PALS1: variants seen among roughly 807,000 people sequenced by gnomAD.
PALS1 encodes protein PALS1.
Under a neutral mutation model 78.9 loss-of-function variants are expected in PALS1, and 31 were observed. The observed-to-expected ratio is 0.39, with a 90% CI of 0.30 to 0.53. The LOEUF (loss-of-function observed/expected upper bound fraction) is 0.53. Ranked by LOEUF, PALS1 falls within the 20% of genes least tolerant of loss-of-function variation. The pLI, the probability that PALS1 is intolerant of heterozygous loss-of-function variation, is 0.67. For synonymous variants in PALS1, 276 were observed against 270.9 expected (o/e 1.02, Z -0.18); for missense variants, 704 against 826.5 (o/e 0.85, Z 1.82).
At chr14:67,267,176 T>G (rs1441862402) in intron 1 of PALS1, among the ~76,000 whole-genome samples, 1 of 152,212 alleles carries the variant, frequency 6.6e-6, no homozygotes, top group Non-Finnish European at 1.5e-5. Flanking sequence ...CAACAAGATG[T>G]CATTTTAAGT....
At chr14:67,251,396 G>A (rs1167527575) in intron 1 of PALS1, among the ~76,000 whole-genome samples, 1 of 152,106 alleles carries the variant, frequency 6.6e-6, no homozygotes, top group Non-Finnish European at 1.5e-5. Context: ...AGCTGGACTT[G>A]GTGGTGTGTG....
intron 3 of PALS1, among the ~76,000 whole-genome samples, chr14:67,283,563 T>C (rs986425140): frequency 1.3e-5 from 2 of 152,226 alleles, no homozygotes; most frequent in African/African-American, 2.4e-5. Context: ...GTTACAGATA[T>C]TTCCAAATAA....
chr14:67,262,339 T>C (rs2084251762), intron 1 of PALS1, among the ~76,000 whole-genome samples: 1 of 152,166 alleles, frequency 6.6e-6, no homozygotes. Flanking sequence ...ATGTATCTTC[T>C]CTTTTCCAAT....
intron 11 of PALS1, among the ~76,000 whole-genome samples, chr14:67,319,810 A>G (rs981969559): frequency 6.6e-6 from 1 of 152,224 alleles, no homozygotes; most frequent in Non-Finnish European, 1.5e-5. Context: ...ATGTCGGTCT[A>G]TGCTAGCCAT....
At position 67,333,860 on chromosome 14, in the gene PALS1, G is replaced by A. The variant is rs1265752670; in HGVS notation, c.*904G>A. 1 of 152,474 alleles carries A rather than the reference G, an allele frequency of 6.6e-6. No homozygotes were observed. The highest frequency in any genetic ancestry group is 1.5e-5 in the Non-Finnish European group (1 of 67,992). 9.4% of individuals were successfully genotyped at this position (152,474 alleles called of 1,614,324 possible). ...GATGCTAATAGTTTTTTGTATACATGGGAGGATAGCACATTTGACAGTTTT... is the reference window on the plus strand; with the variant it reads ...GATGCTAATAGTTTTTTGTATACATAGGAGGATAGCACATTTGACAGTTTT... On this transcript the variant is annotated 3_prime_UTR_variant, in exon 15 of 15. Transcript: ENST00000261681.
rs35018637 is a variant in PALS1, at chr14:67,323,232, CGTGTGTGT to C, written c.1741-447_1741-440del. 1.6e-3 allele frequency among the ~76,000 whole-genome samples: 229 copies of C among 143,622 alleles called. 2 individuals carry two copies. In the East Asian group the frequency reaches 0.026, roughly 16 times the overall value. 94.2% of individuals were successfully genotyped at this position (143,622 alleles called of 152,430 possible). A position where few individuals can be genotyped will look rare whatever the true frequency, so the allele number is the denominator to read the frequency against. On this transcript the variant is annotated intron_variant, in intron 13 of 14. Coordinates refer to ENST00000261681, the MANE Select transcript of PALS1 (RefSeq NM_022474.4). ...ATATACATATATACACATATATACA[CGTGTGTGT>C]GTGTGTGTGTGTGTGTGTGTGTATA...
intron 1 of PALS1, among the ~76,000 whole-genome samples, chr14:67,249,177 G>A (rs2084028899): frequency 6.6e-6 from 1 of 151,986 alleles, no homozygotes; most frequent in African/African-American, 2.4e-5. Flanking sequence ...GGCCAGGCTG[G>A]TCTTGAACTC....
chr14:67,254,041 A>T, intron 1 of PALS1, among the ~76,000 whole-genome samples: 2 of 120,716 alleles, frequency 1.7e-5, no homozygotes, highest in Admixed American at 9.6e-5. Context: ...CCCCCTTACA[A>T]GTTTTCTTAG....
At chr14:67,329,936 C>T (rs2085421502) in intron 14 of PALS1, among the ~76,000 whole-genome samples, 1 of 150,332 alleles carries the variant, frequency 6.7e-6, no homozygotes, top group Non-Finnish European at 1.5e-5. Context: ...ATGTAACCAA[C>T]CAGTTATGTA....
chr14:67,322,901 CA>C (rs2085281959), intron 13 of PALS1, among the ~76,000 whole-genome samples: 1 of 152,112 alleles, frequency 6.6e-6, no homozygotes, highest in Non-Finnish European at 1.5e-5. Context: ...CTGCAATCTC[CA>C]GATTCAAACA....
At chr14:67,269,482 T>C (rs529566201) in intron 1 of PALS1, among the ~76,000 whole-genome samples, 10 of 152,252 alleles carry the variant, frequency 6.6e-5, no homozygotes, top group African/African-American at 2.2e-4. Context: ...CCATTTGACA[T>C]TCCTAACAGC....
intron 14 of PALS1, among the ~76,000 whole-genome samples, chr14:67,325,477 G>C (rs1004396798): frequency 9.2e-5 from 14 of 152,224 alleles, no homozygotes; most frequent in African/African-American, 2.6e-4. Context: ...CAGAGTATTT[G>C]TTGTCCATAG....
At chr14:67,306,513 TTGTG>T (rs35688419) in intron 8 of PALS1, among the ~76,000 whole-genome samples, 22,566 of 147,414 alleles carry the variant, frequency 0.15, 3,151 homozygotes, top group East Asian at 0.37. Context: ...CTGGCTGAAT[TTGTG>T]TGTGTGTGTG....
intron 9 of PALS1, among the ~76,000 whole-genome samples, chr14:67,315,878 T>C (rs1176486666): frequency 6.6e-6 from 1 of 152,224 alleles, no homozygotes; most frequent in Non-Finnish European, 1.5e-5. Context: ...TGAGCCAAGA[T>C]TGCGCCACTG....
chr14:67,247,423 T>G (rs1231768482), intron 1 of PALS1, among the ~76,000 whole-genome samples: 1 of 152,126 alleles, frequency 6.6e-6, no homozygotes, highest in Non-Finnish European at 1.5e-5. Flanking sequence ...TTTAGTAATT[T>G]TTTTTGGAAT....
chr14:67,305,036 G>A (rs17104224), intron 8 of PALS1, among the ~76,000 whole-genome samples: 23,819 of 152,078 alleles, frequency 0.16, 3,532 homozygotes, highest in East Asian at 0.42. Flanking sequence ...TATGTTTACA[G>A]TTTTTTTGCA....
chr14:67,320,708 A>C (rs1291041298), intron 12 of PALS1, among the ~76,000 whole-genome samples: 1 of 143,994 alleles, frequency 6.9e-6, no homozygotes, highest in Non-Finnish European at 1.5e-5. Flanking sequence ...ACTTAGGCAT[A>C]ATCTGAAACA....
chr14:67,323,890 A>C (rs1007420719), intron 14 of PALS1, 78 bp downstream of exon 14: 15 of 734,738 alleles, frequency 2.0e-5, no homozygotes. Flanking sequence ...CCTGGTGCTT[A>C]AAAGCTACAT....
intron 2 of PALS1, among the ~76,000 whole-genome samples, chr14:67,275,648 G>A (rs1387203413): frequency 3.9e-5 from 6 of 152,146 alleles, no homozygotes; most frequent in Non-Finnish European, 8.8e-5. Context: ...AATGAGTTAG[G>A]GAGGATTGCC....
Sources: gnomAD v4.1 joint callset for allele counts (sites outside exome capture counted in the v4.1 genomes callset) on GRCh38, gnomAD v4.1.1 for gene constraint, MANE v1.5 for transcripts, NCBI Gene and HGNC (gene_info 2026-07-23, HGNC 2026-07-21) for gene names.